TBCK: variants seen among roughly 807,000 people sequenced by gnomAD.
TBCK encodes TBC domain-containing protein kinase-like protein.
Under a neutral mutation model 113.4 loss-of-function variants are expected in TBCK, and 99 were observed. That is an observed-to-expected ratio of 0.87 (90% CI 0.74 to 1.03). The LOEUF (loss-of-function observed/expected upper bound fraction) is 1.03. Ranked by LOEUF, TBCK falls within the 50% of genes least tolerant of loss-of-function variation. TBCK has a pLI of 0.00. For synonymous variants in TBCK, 369 were observed against 370.8 expected (o/e 1.00, Z 0.05); for missense variants, 1,045 against 1,061.3 (o/e 0.98, Z 0.21).
intron 19 of TBCK, among the ~76,000 whole-genome samples, chr4:106,218,448 G>A (rs1757255427): frequency 6.8e-6 from 1 of 146,982 alleles, no homozygotes; most frequent in African/African-American, 2.5e-5. Context: ...CAACATGGGA[G>A]AAAATATTCG....
chr4:106,134,005 C>T (rs539659104), intron 23 of TBCK, among the ~76,000 whole-genome samples: 7 of 149,794 alleles, frequency 4.7e-5, no homozygotes, highest in East Asian at 4.0e-4. Flanking sequence ...AGTGAGATTC[C>T]GTCTCAAACA....
chr4:106,175,145 A>G (rs1210478631), intron 22 of TBCK, among the ~76,000 whole-genome samples: 4 of 151,840 alleles, frequency 2.6e-5, no homozygotes, highest in East Asian at 3.9e-4. Context: ...AAAAAAAAAA[A>G]AGAAAAAAAA....
intron 12 of TBCK, among the ~76,000 whole-genome samples, chr4:106,237,898 T>C (rs1014134084): frequency 6.6e-5 from 10 of 152,234 alleles, no homozygotes; most frequent in African/African-American, 2.4e-4. Flanking sequence ...ATTAAGTATC[T>C]TGTCTGTCTT....
chr4:106,205,216 T>C (rs1403277665), intron 20 of TBCK, among the ~76,000 whole-genome samples: 1 of 152,214 alleles, frequency 6.6e-6, no homozygotes, highest in Non-Finnish European at 1.5e-5. Flanking sequence ...GGAGAAGACC[T>C]GTTGTGATAT....
chr4:106,083,290 C>T lies in TBCK; in HGVS notation c.2571+12192G>A, dbSNP rs147217911. On this transcript the variant is annotated intron_variant, in intron 25 of 25. Coordinates refer to ENST00000394708, the MANE Select transcript of TBCK (RefSeq NM_001163435.3). ...ACCACTTGGTCCCAAGACTTGTCCC[C>T]ACAGCCCAAAACACCGGCTGTGGCA... Among the ~76,000 whole-genome samples, 1,375 of 152,350 alleles carry T rather than the reference C, an allele frequency of 9.0e-3. 7 individuals are homozygous for T. The highest frequency in any genetic ancestry group is 0.014 in the Non-Finnish European group (935 of 68,038).
At chr4:106,193,545 T>C in intron 22 of TBCK, 64 bp downstream of exon 22, 1 of 1,582,292 alleles carries the variant, frequency 6.3e-7, no homozygotes, top group Non-Finnish European at 8.6e-7. Context: ...GCCAATGGCT[T>C]AAGAATGTGT....
At chr4:106,290,170 T>C (rs1366235796) in intron 3 of TBCK, among the ~76,000 whole-genome samples, 1 of 152,038 alleles carries the variant, frequency 6.6e-6, no homozygotes, top group South Asian at 2.1e-4. Context: ...AGGAATAATA[T>C]ATTATTTTAT....
At chr4:106,246,987 T>A in intron 10 of TBCK, 152 bp downstream of exon 10, 2 of 771,890 alleles carry the variant, frequency 2.6e-6, no homozygotes, top group Non-Finnish European at 3.8e-6. Flanking sequence ...ACCCAGCCAG[T>A]CAGTTATATT....
chr4:106,254,726 T>C (rs1761800288), intron 5 of TBCK, among the ~76,000 whole-genome samples: 1 of 152,120 alleles, frequency 6.6e-6, no homozygotes, highest in African/African-American at 2.4e-5. Flanking sequence ...TTGAGCCCTG[T>C]TCCCTTTATT....
At chr4:106,127,711 T>C (rs1319026348) in intron 23 of TBCK, among the ~76,000 whole-genome samples, 1 of 152,104 alleles carries the variant, frequency 6.6e-6, no homozygotes, top group Admixed American at 6.6e-5. Context: ...CAGAAAGTCA[T>C]AGAAAACCTC....
chr4:106,078,891 A>G (rs1476221325), intron 25 of TBCK, among the ~76,000 whole-genome samples: 1 of 152,196 alleles, frequency 6.6e-6, no homozygotes, highest in Non-Finnish European at 1.5e-5. Context: ...CTTCAACAAA[A>G]TACATGCAAA....
chr4:106,280,671 A>G (rs1350059478), intron 3 of TBCK, among the ~76,000 whole-genome samples: 1 of 152,080 alleles, frequency 6.6e-6, no homozygotes, highest in East Asian at 1.9e-4. Context: ...TCACAGCACC[A>G]TTTACTGAAA....
At position 106,046,703 on chromosome 4, in the gene TBCK, T is replaced by A. The variant is rs758236850; in HGVS notation, c.2572-23A>T. ...AAACTGGAAAAAAAAAGAGGCAAAA[T>A]TTTTAGAGGATATACAGAAGACATC... On this transcript the variant is annotated intron_variant, in intron 25 of 25. Coordinates refer to ENST00000394708, the MANE Select transcript of TBCK (RefSeq NM_001163435.3). 5.3e-6 allele frequency: 7 copies of A among 1,332,974 alleles called. No homozygotes were observed. The East Asian group carries it at 1.4e-4, about 26-fold the overall frequency. 82.6% of individuals were successfully genotyped at this position (1,332,974 alleles called of 1,614,324 possible).
chr4:106,293,037 CAA>C (rs1553991883), intron 3 of TBCK, among the ~76,000 whole-genome samples: 1 of 152,138 alleles, frequency 6.6e-6, no homozygotes, highest in Admixed American at 6.5e-5. Context: ...TCTCAGCTTT[CAA>C]AAGAGTTTAA....
chr4:106,171,144 G>A lies in TBCK; in HGVS notation c.2186C>T (p.Ser729Leu), dbSNP rs766412998. 7 of 1,612,610 alleles carry A rather than the reference G, an allele frequency of 4.3e-6. No individual in the cohort carries two copies. The highest frequency in any genetic ancestry group is 2.2e-5 in the East Asian group (1 of 44,788). Residue 729 changes from serine (S) to leucine (L), a missense_variant, in exon 23 of 26, where the codon TCG becomes TTG. By Grantham distance (145) the Ser-to-Leu change is moderately radical (BLOSUM62 -2). Transcript: ENST00000394708. ...PSSDSSGGRS[S>L]APYFSAECPD... ...ACACTCAGCAGAGAAATAAGGTGCC[G>A]AACTTCTGCCTCCACTGCTGTCAGA...
intron 23 of TBCK, among the ~76,000 whole-genome samples, chr4:106,130,113 T>C (rs1745706832): frequency 6.6e-6 from 1 of 152,212 alleles, no homozygotes; most frequent in Non-Finnish European, 1.5e-5. Flanking sequence ...TACCATCTTG[T>C]AATTACCATC....
intron 25 of TBCK, among the ~76,000 whole-genome samples, chr4:106,064,874 A>T (rs1295148550): frequency 2.0e-5 from 3 of 151,910 alleles, no homozygotes; most frequent in Non-Finnish European, 4.4e-5. Flanking sequence ...TTATTTTCCC[A>T]CAGGGAGGAA....
At chr4:106,214,433 T>C (rs2149901865) in intron 19 of TBCK, among the ~76,000 whole-genome samples, 1 of 152,008 alleles carries the variant, frequency 6.6e-6, no homozygotes, top group East Asian at 1.9e-4. Flanking sequence ...CGGGAGGACA[T>C]TCAAACCAAA....
intron 25 of TBCK, among the ~76,000 whole-genome samples, chr4:106,088,854 C>T (rs1000451923): frequency 1.3e-5 from 2 of 152,252 alleles, no homozygotes; most frequent in South Asian, 2.1e-4. Context: ...CGCATGTTCT[C>T]GCTCACAAAT....
Sources: gnomAD v4.1 joint callset for allele counts (sites outside exome capture counted in the v4.1 genomes callset) on GRCh38, gnomAD v4.1.1 for gene constraint, MANE v1.5 for transcripts, NCBI Gene and HGNC (gene_info 2026-07-23, HGNC 2026-07-21) for gene names.